SCAPER: variants seen among roughly 807,000 people sequenced by gnomAD.
SCAPER encodes S phase cyclin A-associated protein in the endoplasmic reticulum.
In SCAPER, 98 loss-of-function variants were observed where a neutral mutation model predicts 182.2. The ratio of observed to expected loss-of-function variants is 0.54; its 90% CI spans 0.46 to 0.64. SCAPER has a LOEUF of 0.64. SCAPER is among the 30% of genes least tolerant of loss of function. SCAPER has a pLI of 0.00. For missense variants in SCAPER, 1,432 were observed against 1,690.0 expected, an observed-to-expected ratio of 0.85 and a Z score of 2.68; for synonymous variants, 605 against 564.6, an observed-to-expected ratio of 1.07 and a Z score of -1.01.
intron 24 of SCAPER, among the ~76,000 whole-genome samples, chr15:76,477,407 A>G (rs1215368909): frequency 6.6e-6 from 1 of 152,170 alleles, no homozygotes; most frequent in Non-Finnish European, 1.5e-5. Context: ...ATATAGGACA[A>G]TGGTTGAGAT....
chr15:76,658,291 A>G (rs898522361), intron 21 of SCAPER, among the ~76,000 whole-genome samples: 3 of 152,180 alleles, frequency 2.0e-5, no homozygotes, highest in African/African-American at 4.8e-5. Context: ...GGCCAATTCA[A>G]GAATGCAATC....
intron 23 of SCAPER, among the ~76,000 whole-genome samples, chr15:76,550,935 C>T (rs547767189): frequency 6.6e-6 from 1 of 151,950 alleles, no homozygotes; most frequent in African/African-American, 2.4e-5. Context: ...GTACAAATGG[C>T]CAACAGGTAT....
At chr15:76,780,516 G>T (rs2064053588) in intron 8 of SCAPER, among the ~76,000 whole-genome samples, 1 of 152,246 alleles carries the variant, frequency 6.6e-6, no homozygotes, top group African/African-American at 2.4e-5. Context: ...CAGCTCTAAA[G>T]AGAGTAGTGG....
chr15:76,417,172 C>T (rs1323650123), intron 26 of SCAPER, among the ~76,000 whole-genome samples: 3 of 150,620 alleles, frequency 2.0e-5, no homozygotes, highest in African/African-American at 7.3e-5. Flanking sequence ...AAACACAAAC[C>T]CGGTAATTAT....
chr15:76,630,558 C>T (rs1256269104), intron 21 of SCAPER, among the ~76,000 whole-genome samples: 1 of 151,878 alleles, frequency 6.6e-6, no homozygotes. Context: ...CATTATTTAC[C>T]CAAGAGTCAT....
chr15:76,448,802 C>T (rs1001207469), intron 25 of SCAPER, among the ~76,000 whole-genome samples: 10 of 151,832 alleles, frequency 6.6e-5, no homozygotes, highest in African/African-American at 2.4e-4. Context: ...TAGAAAAAAC[C>T]GAACTGAGTG....
chr15:76,660,848 T>C (rs1256030409), intron 21 of SCAPER, among the ~76,000 whole-genome samples: 1 of 151,880 alleles, frequency 6.6e-6, no homozygotes, highest in Non-Finnish European at 1.5e-5. Flanking sequence ...AAAAACTAAT[T>C]AGAGCTTATA....
chr15:76,696,812 C>T (rs2058677630), intron 20 of SCAPER, among the ~76,000 whole-genome samples: 1 of 152,062 alleles, frequency 6.6e-6, no homozygotes, highest in South Asian at 2.1e-4. Flanking sequence ...TTAAAAATCA[C>T]TTTTTTAATC....
At chr15:76,718,486 C>T (rs1013667379) in intron 17 of SCAPER, among the ~76,000 whole-genome samples, 4 of 151,710 alleles carry the variant, frequency 2.6e-5, no homozygotes, top group Admixed American at 6.6e-5. Context: ...GTCAGGAGTT[C>T]GAAAATCAGC....
At chr15:76,843,021 G>T (rs2069630905) in intron 4 of SCAPER, among the ~76,000 whole-genome samples, 1 of 152,146 alleles carries the variant, frequency 6.6e-6, no homozygotes, top group Non-Finnish European at 1.5e-5. Context: ...AGGACTAGCA[G>T]CTTCCTGTGA....
intron 8 of SCAPER, among the ~76,000 whole-genome samples, chr15:76,789,374 A>C (rs2064845840): frequency 6.6e-6 from 1 of 152,126 alleles, no homozygotes; most frequent in South Asian, 2.1e-4. Flanking sequence ...CACTATGCCT[A>C]CTCATTTTAC....
chr15:76,637,045 T>C (rs1156802815), intron 21 of SCAPER, among the ~76,000 whole-genome samples: 1 of 152,082 alleles, frequency 6.6e-6, no homozygotes, highest in African/African-American at 2.4e-5. Flanking sequence ...TTAAAATGTA[T>C]AATATAATGT....
chr15:76,565,213 G>A (rs886655708), intron 23 of SCAPER, among the ~76,000 whole-genome samples: 4 of 152,062 alleles, frequency 2.6e-5, no homozygotes, highest in African/African-American at 7.2e-5. Flanking sequence ...ACTATCAAGA[G>A]AGTAAACAGA....
intron 5 of SCAPER, among the ~76,000 whole-genome samples, chr15:76,838,072 A>G (rs2069111452): frequency 6.6e-6 from 1 of 152,176 alleles, no homozygotes; most frequent in South Asian, 2.1e-4. Context: ...AGGAACATAA[A>G]CTGCTCTACC....
intron 15 of SCAPER, among the ~76,000 whole-genome samples, chr15:76,749,488 T>C (rs1443115): frequency 0.27 from 41,481 of 151,644 alleles, 6,434 homozygotes; most frequent in East Asian, 0.55. Context: ...GTCCCAGCTA[T>C]TGCAATAAAA....
chr15:76,463,684 T>C (rs912733921), intron 25 of SCAPER, among the ~76,000 whole-genome samples: 1 of 152,196 alleles, frequency 6.6e-6, no homozygotes, highest in Non-Finnish European at 1.5e-5. Flanking sequence ...CAAGAAATTA[T>C]AAATCTTTTA....
At chr15:76,844,377 A>C (rs2069822605) in intron 4 of SCAPER, among the ~76,000 whole-genome samples, 1 of 152,106 alleles carries the variant, frequency 6.6e-6, no homozygotes, top group Non-Finnish European at 1.5e-5. Context: ...GAATCTGAGA[A>C]AACCTATGGA....
intron 29 of SCAPER, among the ~76,000 whole-genome samples, chr15:76,364,580 A>G (rs1234868707): frequency 6.6e-6 from 1 of 152,126 alleles, no homozygotes; most frequent in Admixed American, 6.5e-5. Context: ...TCTGCTTCCT[A>G]TGGGAAAAGG....
chr15:76,898,245 CA>C (rs1456896142), intron 1 of SCAPER, among the ~76,000 whole-genome samples: 1 of 152,036 alleles, frequency 6.6e-6, no homozygotes, highest in East Asian at 1.9e-4. Flanking sequence ...GTCAAAAAGA[CA>C]AAACAACTGT....
Sources: gnomAD v4.1 joint callset for allele counts (sites outside exome capture counted in the v4.1 genomes callset) on GRCh38, gnomAD v4.1.1 for gene constraint, MANE v1.5 for transcripts, NCBI Gene and HGNC (gene_info 2026-07-23, HGNC 2026-07-21) for gene names.